NPC1: variants seen among roughly 807,000 people sequenced by gnomAD.
NPC1 encodes NPC intracellular cholesterol transporter 1.
In NPC1, 85 loss-of-function variants were observed where a neutral mutation model predicts 140.4. The observed-to-expected ratio is 0.61, with a 90% CI of 0.51 to 0.72. NPC1 has a LOEUF of 0.72. Among genes scored for constraint, NPC1 ranks in the 30% least tolerant of loss-of-function variants. The pLI, the probability that NPC1 is intolerant of heterozygous loss-of-function variation, is 0.00. For missense variants in NPC1, 1,504 were observed against 1,623.8 expected (o/e 0.93, Z 1.27); for synonymous variants, 656 against 624.8 (o/e 1.05, Z -0.74).
intron 3 of NPC1, among the ~76,000 whole-genome samples, chr18:23,510,473 C>A (rs1372506218): frequency 6.6e-6 from 1 of 152,072 alleles, no homozygotes; most frequent in African/African-American, 2.4e-5. Flanking sequence ...CATGACGAAA[C>A]CCTGTCTCTA....
At chr18:23,571,893 AATAC>A (rs752303042) in intron 3 of NPC1, among the ~76,000 whole-genome samples, 177 bp downstream of exon 3, 6 of 151,600 alleles carry the variant, frequency 4.0e-5, no homozygotes, top group South Asian at 2.1e-4. Context: ...ATGTATTTTT[AATAC>A]ATAAATATAT....
At chr18:23,570,600 T>C (rs1042103078) in intron 3 of NPC1, among the ~76,000 whole-genome samples, 2 of 152,246 alleles carry the variant, frequency 1.3e-5, no homozygotes, top group Admixed American at 6.5e-5. Context: ...GTGATATTTG[T>C]GCAGAGAAGC....
chr18:23,541,769 T>G (rs2058716577), intron 14 of NPC1, among the ~76,000 whole-genome samples: 1 of 152,228 alleles, frequency 6.6e-6, no homozygotes, highest in African/African-American at 2.4e-5. Context: ...CTTTCTGTGC[T>G]TCACTGTAAG....
chr18:23,520,128 A>G (rs1567924209), downstream of NPC1: 16 of 1,117,132 alleles, frequency 1.4e-5, no homozygotes, highest in Non-Finnish European at 2.2e-5. Flanking sequence ...TTAAACAGCA[A>G]GATGGGATGG....
intron 3 of NPC1, among the ~76,000 whole-genome samples, chr18:23,513,599 A>C (rs578101987): frequency 1.9e-4 from 29 of 152,294 alleles, no homozygotes; most frequent in African/African-American, 6.7e-4. Flanking sequence ...TCTGTTTCTG[A>C]ATATTTTAGG....
At chr18:23,526,719 C>G (rs1213297980), downstream of NPC1, 3 of 1,613,970 alleles carry the variant, frequency 1.9e-6, no homozygotes, top group Admixed American at 3.3e-5. Context: ...ACTTTCTCCT[C>G]CAGAGAAAGG....
chr18:23,511,512 A>G (rs2057856754), intron 3 of NPC1, among the ~76,000 whole-genome samples: 1 of 152,256 alleles, frequency 6.6e-6, no homozygotes, highest in African/African-American at 2.4e-5. Flanking sequence ...CAAGATATGT[A>G]ATATGGAAAG....
chr18:23,554,652 G>C (rs543044535), intron 9 of NPC1, 106 bp downstream of exon 9: 6 of 790,792 alleles, frequency 7.6e-6, no homozygotes, highest in Non-Finnish European at 1.3e-5. Flanking sequence ...GCAAGGTCTT[G>C]TTGTTTGCTC....
At chr18:23,519,411 G>T (rs2058089038), downstream of NPC1, among the ~76,000 whole-genome samples, 2 of 152,238 alleles carry the variant, frequency 1.3e-5, no homozygotes, top group Admixed American at 1.3e-4. Flanking sequence ...CCAGCTACTT[G>T]TGGGGCTAAG....
At chr18:23,551,961 G>A (rs1043938992) in intron 9 of NPC1, among the ~76,000 whole-genome samples, 1 of 152,212 alleles carries the variant, frequency 6.6e-6, no homozygotes, top group Admixed American at 6.5e-5. Flanking sequence ...GGTGCATGGC[G>A]CTATGCAGGC....
chr18:23,516,097 C>T, intron 3 of NPC1: 2 of 1,543,140 alleles, frequency 1.3e-6, no homozygotes, highest in Non-Finnish European at 1.8e-6. Flanking sequence ...GTTCCTCTAG[C>T]CGTAACGTCA....
intron 20 of NPC1, among the ~76,000 whole-genome samples, chr18:23,537,651 C>T (rs956722700): frequency 9.2e-5 from 14 of 152,204 alleles, no homozygotes; most frequent in Non-Finnish European, 1.6e-4. Context: ...GGAATAATGT[C>T]AGGGAGTGCC....
chr18:23,537,170 G>C (rs1234392883), intron 20 of NPC1, among the ~76,000 whole-genome samples: 2 of 152,062 alleles, frequency 1.3e-5, no homozygotes, highest in African/African-American at 2.4e-5. Flanking sequence ...CCGGGTTCAA[G>C]CAATTCTCCC....
intron 1 of NPC1, among the ~76,000 whole-genome samples, chr18:23,585,302 T>C (rs2145599590): frequency 6.6e-6 from 1 of 152,308 alleles, no homozygotes; most frequent in Admixed American, 6.5e-5. Flanking sequence ...GGTCTTGAAC[T>C]GCTGAGCTCA....
chr18:23,515,429 T>G (rs2057974729), intron 3 of NPC1, among the ~76,000 whole-genome samples: 1 of 152,210 alleles, frequency 6.6e-6, no homozygotes, highest in Non-Finnish European at 1.5e-5. Context: ...AAGTAGTAGC[T>G]GTAATAAGTA....
At chr18:23,573,600 G>A in intron 1 of NPC1, 26 bp from the exon 2 acceptor site, 1 of 1,614,020 alleles carries the variant, frequency 6.2e-7, no homozygotes, top group Non-Finnish European at 8.5e-7. Context: ...ACAAACTTCA[G>A]TGTTACCAGG....
intron 10 of NPC1, among the ~76,000 whole-genome samples, chr18:23,548,902 T>C (rs1273339930): frequency 1.3e-5 from 2 of 152,082 alleles, no homozygotes; most frequent in African/African-American, 4.8e-5. Context: ...TTAATCCTCC[T>C]GCCTCAGCCT....
In NPC1 at chr18:23,576,754, G is replaced by GTGT. The variant is rs2145567599; in HGVS notation, c.58-3181_58-3180insACA. ...TGAGTGTTACAGCTCTTAAGGCAGCGCGTCTGGAGTTGTTCGTTCCTCCCA... is the reference window on the plus strand; with the variant it reads ...TGAGTGTTACAGCTCTTAAGGCAGCGTGTCGTCTGGAGTTGTTCGTTCCTCCCA... On this transcript the variant is annotated intron_variant, in intron 1 of 24. Transcript: ENST00000269228. The GTGT allele has an allele frequency of 1.3e-5, 2 of 159,758 alleles. 1 individual carries two copies. The highest frequency in any genetic ancestry group is 2.7e-5 in the Non-Finnish European group (2 of 73,894). The allele number at this position is 159,758 out of a possible 1,614,324, so 9.9% of individuals were successfully genotyped here. A position where few individuals can be genotyped will look rare whatever the true frequency, so the allele number is the denominator to read the frequency against.
At chr18:23,549,742 C>CTTTTTTTTTTTTTTT (rs1000073339) in intron 10 of NPC1, among the ~76,000 whole-genome samples, 3 of 138,006 alleles carry the variant, frequency 2.2e-5, no homozygotes, top group African/African-American at 8.2e-5. Flanking sequence ...TTTTTCACAA[C>CTTTTTTTTTTTTTTT]TTTTTTTTTT....
Sources: gnomAD v4.1 joint callset for allele counts (sites outside exome capture counted in the v4.1 genomes callset) on GRCh38, gnomAD v4.1.1 for gene constraint, MANE v1.5 for transcripts, NCBI Gene and HGNC (gene_info 2026-07-23, HGNC 2026-07-21) for gene names.